Variants in LHX9 observed in about 807,000 individuals in gnomAD.
LHX9 encodes the protein LIM/homeobox protein Lhx9.
A neutral mutation model predicts 36.5 loss-of-function variants in LHX9; 9 were observed. The ratio of observed to expected loss-of-function variants is 0.25; its 90% CI spans 0.15 to 0.43. LHX9 has a LOEUF of 0.43. Ranked by LOEUF, LHX9 falls within the 20% of genes least tolerant of loss-of-function variation. The pLI is 1.00. For missense variants in LHX9, 464 were observed against 526.4 expected (o/e 0.88, Z 1.16); for synonymous variants, 211 against 212.1 (o/e 0.99, Z 0.04).
At chr1:197,922,089 T>G (rs982226256) in intron 3 of LHX9, among the ~76,000 whole-genome samples, 10 of 150,994 alleles carry the variant, frequency 6.6e-5, no homozygotes, top group African/African-American at 2.4e-4. Context: ...AACCCTAGTC[T>G]GTCTAGAGGG....
chr1:197,917,252 G>A, upstream of LHX9: 14 of 1,215,678 alleles, frequency 1.2e-5, no homozygotes, highest in Non-Finnish European at 1.4e-5. Context: ...GAGTATGACA[G>A]GTCTTTGTTG....
intron 1 of LHX9, chr1:197,918,387 CG>C: frequency 1.4e-6 from 1 of 717,122 alleles, no homozygotes; most frequent in Non-Finnish European, 2.6e-6. Flanking sequence ...GGCGCGCTGC[CG>C]AGGCGTCCGA....
rs76235577 is a variant in LHX9, at chr1:197,925,563, A to G, written c.734-2028A>G. On this transcript the variant is annotated intron_variant, in intron 3 of 4. Coordinates refer to ENST00000367387, the MANE Select transcript of LHX9 (RefSeq NM_020204.3). ...TGGGTATATTTATAATCTGGTTATG[A>G]AATATGGCTGAGTTTACTGGAGATA... Among the ~76,000 whole-genome samples the G allele has an allele frequency of 3.3e-5, 5 of 152,310 alleles. No individual in the cohort carries two copies. The East Asian group carries it at 9.6e-4, about 29-fold the overall frequency.
At chr1:197,916,996 C>G (rs554158372), upstream of LHX9, among the ~76,000 whole-genome samples, 7 of 152,132 alleles carry the variant, frequency 4.6e-5, no homozygotes, top group Non-Finnish European at 1.0e-4. Context: ...GAACTCGGAT[C>G]AAATAGGCGG....
Position 197,933,273 on chromosome 1 carries a change from A to C in LHX9, c.*4014A>C, listed in dbSNP as rs1660370608. ...ATGACAGACATTAAATATTTCACTT[A>C]CATGTATTCTCAGAATTTTGAATGT... On this transcript the variant is annotated 3_prime_UTR_variant, in exon 5 of 5. Coordinates refer to ENST00000367387, the MANE Select transcript of LHX9 (RefSeq NM_020204.3). The C allele has an allele frequency of 6.6e-6, 1 of 152,154 alleles. No homozygotes were observed. Among genetic ancestry groups the C allele is most frequent in the Non-Finnish European group, 1.5e-5 (1 of 68,002 alleles). The allele number at this position is 152,154 out of a possible 1,614,324, so 9.4% of individuals were successfully genotyped here. A position where few individuals can be genotyped will look rare whatever the true frequency, so the allele number is the denominator to read the frequency against.
At chr1:197,918,097 T>A (rs1659835144) in intron 1 of LHX9, 100 bp downstream of exon 1, 2 of 1,327,270 alleles carry the variant, frequency 1.5e-6, no homozygotes, top group African/African-American at 1.5e-5. Flanking sequence ...CGGCGGGTCG[T>A]AGAGACGTCC....
At position 197,929,265 on chromosome 1, in the gene LHX9, G is replaced by GTTTT; in HGVS notation, c.*15_*18dup. ...CCTTAACAAACCTTTTCTAACATTGGTTTTTTTTTTTTAGTTTTTAAATTC... is the reference window on the plus strand; with the variant it reads ...CCTTAACAAACCTTTTCTAACATTGGTTTTTTTTTTTTTTTTAGTTTTTAAATTC... On this transcript the variant is annotated 3_prime_UTR_variant, in exon 5 of 5. Coordinates refer to ENST00000367387, the MANE Select transcript of LHX9 (RefSeq NM_020204.3). 2 of 1,080,728 alleles carry GTTTT rather than the reference G, an allele frequency of 1.9e-6. No individual in the cohort carries two copies. The highest frequency in any genetic ancestry group is 2.9e-5 in the South Asian group (1 of 34,168). The allele number at this position is 1,080,728 out of a possible 1,614,324, so 66.9% of individuals were successfully genotyped here.
rs1279855006 is a variant in LHX9 at position 197,924,498 on chromosome 1, G to A, written c.733+2839G>A. On this transcript the variant is annotated intron_variant, in intron 3 of 4. Transcript: ENST00000367387. ...AGGCAAATATTTTAGAAAGAGACAT[G>A]GAAAGTTTACCTGAAATGCTAGCTT... Among the ~76,000 whole-genome samples, 4 of 152,220 alleles carry A rather than the reference G, an allele frequency of 2.6e-5. No homozygotes were observed. In the East Asian group the frequency reaches 7.7e-4, roughly 29 times the overall value.
chr1:197,919,383 G>A (rs375756353), intron 1 of LHX9, among the ~76,000 whole-genome samples: 8 of 152,192 alleles, frequency 5.3e-5, no homozygotes, highest in African/African-American at 1.7e-4. Flanking sequence ...TATTGGGAAC[G>A]GCACCAATAG....
chr1:197,917,075 G>A (rs1659780245), upstream of LHX9, among the ~76,000 whole-genome samples: 1 of 151,296 alleles, frequency 6.6e-6, no homozygotes, highest in African/African-American at 2.4e-5. Context: ...ATGACTGCTG[G>A]GAACTCTTGG....
intron 2 of LHX9, among the ~76,000 whole-genome samples, chr1:197,920,936 CAT>C (rs747064881): frequency 7.2e-5 from 11 of 152,168 alleles, no homozygotes; most frequent in African/African-American, 2.4e-4. Context: ...TTCTTTCATT[CAT>C]ATGTTTTGTA....
rs182900094 is a variant in LHX9, at chr1:197,931,684, A to G, written c.*2425A>G. ...ATTCAACCTAGAAATACCTTTGAAT[A>G]TATTTGCTTATAACAAAAGTAATGC... On this transcript the variant is annotated 3_prime_UTR_variant, in exon 5 of 5. Transcript: ENST00000367387. 146 of 408,138 alleles carry G rather than the reference A, an allele frequency of 3.6e-4. No homozygotes were observed. Among genetic ancestry groups the G allele is most frequent in the Admixed American group, 3.3e-3 (83 of 25,436 alleles). 25.3% of individuals were successfully genotyped at this position (408,138 alleles called of 1,614,324 possible).
chr1:197,930,019 A>G lies in LHX9; in HGVS notation c.*760A>G, dbSNP rs541993545. ...TTCCGCATTGATTTTGACATTCCAT[A>G]CTTTTAACCTCCTAAAGCTAAAAAC... On this transcript the variant is annotated 3_prime_UTR_variant, in exon 5 of 5. Coordinates refer to ENST00000367387, the MANE Select transcript of LHX9 (RefSeq NM_020204.3). The G allele has an allele frequency of 3.1e-6, 3 of 981,990 alleles. No individual in the cohort carries two copies. The East Asian group carries it at 3.4e-4, about 110-fold the overall frequency. 60.8% of individuals were successfully genotyped at this position (981,990 alleles called of 1,614,324 possible).
In LHX9 at chr1:197,931,619, A is replaced by C. The variant is rs1660329135; in HGVS notation, c.*2360A>C. 1 of 277,072 alleles carries C rather than the reference A, an allele frequency of 3.6e-6. No homozygotes were observed. Among genetic ancestry groups the C allele is most frequent in the African/African-American group, 2.2e-5 (1 of 45,992 alleles). The allele number at this position is 277,072 out of a possible 1,614,324, so 17.2% of individuals were successfully genotyped here. A position where few individuals can be genotyped will look rare whatever the true frequency, so the allele number is the denominator to read the frequency against. On this transcript the variant is annotated 3_prime_UTR_variant, in exon 5 of 5. Coordinates refer to ENST00000367387, the MANE Select transcript of LHX9 (RefSeq NM_020204.3). ...TAGTTTTTAGACTTCCAAACTTCTG[A>C]TTCATATGAAATGTTACACATTGTT...
Position 197,918,012 on chromosome 1 carries a change from C to A in LHX9, c.174+15C>A. 1.9e-6 allele frequency: 3 copies of A among 1,604,710 alleles called. No individual in the cohort carries two copies. The highest frequency in any genetic ancestry group is 2.6e-6 in the Non-Finnish European group (3 of 1,176,438). On this transcript the variant is annotated intron_variant, in intron 1 of 4. Coordinates refer to ENST00000367387, the MANE Select transcript of LHX9 (RefSeq NM_020204.3). ...GCCGCGACGCGGTAAGGAAGGGCTC[C>A]GCCGCGGCGGTAGCCGGGCACCCCT...
intron 1 of LHX9, chr1:197,918,213 C>G (rs1011782618): frequency 1.4e-6 from 1 of 711,698 alleles, no homozygotes; most frequent in Non-Finnish European, 2.6e-6. Context: ...TCCTCCGTCG[C>G]AGCTGATTCC....
upstream of LHX9, chr1:197,916,322 C>T (rs1659751685): frequency 3.9e-6 from 1 of 253,612 alleles, no homozygotes; most frequent in South Asian, 6.5e-5. Context: ...TTCTCACCTT[C>T]CCCTCCTCCA....
intron 3 of LHX9, among the ~76,000 whole-genome samples, chr1:197,923,960 A>G (rs1485286547): frequency 6.6e-6 from 1 of 152,154 alleles, no homozygotes; most frequent in African/African-American, 2.4e-5. Flanking sequence ...CTCTTAGTTA[A>G]CATCTACTCC....
At chr1:197,913,838 A>C (rs1031069152), upstream of LHX9, among the ~76,000 whole-genome samples, 2 of 152,154 alleles carry the variant, frequency 1.3e-5, no homozygotes, top group African/African-American at 2.4e-5. Flanking sequence ...TGGCCTCCAA[A>C]ATTCAGGTAG....
Sources: allele counts gnomAD v4.1 joint callset (sites outside exome capture counted in the v4.1 genomes callset), GRCh38; gene constraint gnomAD v4.1.1; transcripts MANE v1.5; gene names NCBI Gene and HGNC (gene_info 2026-07-23, HGNC 2026-07-21).